Variants in GNL3 observed in about 807,000 individuals in gnomAD.
The protein encoded by GNL3 is G protein nucleolar 3.
In GNL3, 77 loss-of-function variants were observed where a neutral mutation model predicts 70.6. That is an observed-to-expected ratio of 1.09 (90% confidence interval 0.91 to 1.32). GNL3 has a LOEUF of 1.32. Among genes scored for constraint, GNL3 ranks in the 40% most tolerant of loss-of-function variants. The pLI is 0.00. For synonymous variants in GNL3, 252 were observed against 216.1 expected, an observed-to-expected ratio of 1.17 and a Z score of -1.46; for missense variants, 634 against 644.0, an observed-to-expected ratio of 0.98 and a Z score of 0.17.
At chr3:52,688,454 T>C (rs1055672165) in intron 5 of GNL3, among the ~76,000 whole-genome samples, 12 of 152,224 alleles carry the variant, frequency 7.9e-5, no homozygotes, top group African/African-American at 2.7e-4. Flanking sequence ...GCTTATGCTG[T>C]TTAATGCCTT....
At position 52,693,015 on chromosome 3, in the gene GNL3, G is replaced by A. The variant is rs765780798; in HGVS notation, c.1013G>A (p.Ser338Asn). ...GTAGTAAAACCGATGGAGGCTGCCAGTGCCATCCTTTCCCAGGCTGATGCT... is the reference window on the plus strand; with the variant it reads ...GTAGTAAAACCGATGGAGGCTGCCAATGCCATCCTTTCCCAGGCTGATGCT... The part of the protein sequence containing the change: ...IEVVKPMEAA[S>N]AILSQADARQ... Residue 338 changes from serine (S) to asparagine (N), a missense_variant, in exon 10 of 15, where the codon AGT becomes AAT. By Grantham distance (46) the Ser-to-Asn change is conservative. Transcript: ENST00000418458. 1.2e-6 allele frequency: 2 copies of A among 1,614,200 alleles called. No individual in the cohort carries two copies. The highest frequency in any genetic ancestry group is 1.3e-5 in the African/African-American group (1 of 75,060).
rs758017669 is a variant in GNL3, at chr3:52,692,932, C to A, written c.930C>A (p.Ile310=). ...QITIIDSPSF[I]VSPLNSSSAL... Reference sequence around the variant, plus strand: ...CAATCATAGATAGTCCGAGCTTCATCGTATCTCCACTTAATTCCTCCTCTG... The same window carrying A: ...CAATCATAGATAGTCCGAGCTTCATAGTATCTCCACTTAATTCCTCCTCTG... The change falls in exon 10 of 15, where the codon ATC becomes ATA. Residue 310 remains isoleucine (I), a synonymous_variant. Transcript: ENST00000418458. The A allele has an allele frequency of 2.5e-6, 4 of 1,613,022 alleles. No individual in the cohort carries two copies. Among genetic ancestry groups the A allele is most frequent in the Admixed American group, 3.3e-5 (2 of 59,996 alleles).
Position 52,687,798 on chromosome 3 carries a change from A to AT in GNL3, c.324+191dup, listed in dbSNP as rs564295498. ...AGAAGCACACCATCACGCCTGGCTA[A>AT]TTTTTTTTAGCAGACACGGGCTTTC... On this transcript the variant is annotated intron_variant, in intron 4 of 14. Transcript: ENST00000418458. 2,130 of 597,292 alleles carry AT rather than the reference A, an allele frequency of 3.6e-3. 6 individuals carry two copies. Among genetic ancestry groups the AT allele is most frequent in the Non-Finnish European group, 3.1e-3 (1,037 of 332,904 alleles). The allele number at this position is 597,292 out of a possible 1,614,324, so 37.0% of individuals were successfully genotyped here. A position where few individuals can be genotyped will look rare whatever the true frequency, so the allele number is the denominator to read the frequency against.
intron 13 of GNL3, 73 bp downstream of exon 13, chr3:52,693,880 A>C (rs2097329976): frequency 7.1e-7 from 1 of 1,405,778 alleles, no homozygotes; most frequent in Non-Finnish European, 9.9e-7. Context: ...AAGGAACTGA[A>C]GATAGGAAAT....
At chr3:52,686,743 C>G in intron 1 of GNL3, 26 bp from the exon 2 acceptor site, 1 of 1,565,200 alleles carries the variant, frequency 6.4e-7, no homozygotes, top group Non-Finnish European at 8.8e-7. Flanking sequence ...TTTGGGTTAA[C>G]AGATTTGTGA....
intron 5 of GNL3, 127 bp from the exon 6 acceptor site, chr3:52,688,947 T>C: frequency 1.3e-6 from 1 of 745,648 alleles, no homozygotes; most frequent in Non-Finnish European, 2.3e-6. Flanking sequence ...GATCCAACTC[T>C]GAGCTCACCC....
chr3:52,692,817 C>G (rs1185050639), intron 9 of GNL3, 55 bp from the exon 10 acceptor site: 3 of 1,389,144 alleles, frequency 2.2e-6, no homozygotes, highest in Non-Finnish European at 3.0e-6. Flanking sequence ...CATGTTCTGT[C>G]TCTTAACCTC....
In GNL3 at chr3:52,690,957, A is replaced by T. The variant is rs141905702; in HGVS notation, c.667A>T (p.Lys223Ter). Residue 223 changes from lysine (K) to a stop codon, truncating the protein, a stop_gained, in exon 8 of 15, where the codon AAG (lysine) becomes TAG (stop). Transcript: ENST00000418458. LOFTEE classifies it high-confidence loss of function. ...TTTGGAATTTTAGCGTGTGAAGGCA[A>T]AGAAGAATGCTGCTCCATTCAGAAG... ...KGKITKRVKA[K>*]KNAAPFRSEV... The T allele has an allele frequency of 2.2e-5, 35 of 1,613,862 alleles. No homozygotes were observed. The highest frequency in any genetic ancestry group is 2.6e-5 in the Non-Finnish European group (31 of 1,179,838).
intron 4 of GNL3, 69 bp downstream of exon 4, chr3:52,687,684 G>A: frequency 1.1e-6 from 1 of 887,102 alleles, no homozygotes. Context: ...TTGGGCCTGA[G>A]TGCAGTGGCA....
Position 52,693,330 on chromosome 3 carries a change from G to C in GNL3, c.1187+1G>C, listed in dbSNP as rs1455272148. The C allele has an allele frequency of 6.2e-7, 1 of 1,613,740 alleles. No individual in the cohort carries two copies. Among genetic ancestry groups the C allele is most frequent in the South Asian group, 1.1e-5 (1 of 91,044 alleles). ...AACTGCTGTGGTCTGAGTGGACAGG[G>C]TAAGCTTTCTTTTCTGTTGGCATTT... On this transcript the variant is annotated splice_donor_variant, in intron 11 of 14. Transcript: ENST00000418458. LOFTEE classifies it high-confidence loss of function.
intron 7 of GNL3, 41 bp downstream of exon 7, chr3:52,690,745 T>C: frequency 7.6e-7 from 1 of 1,318,158 alleles, no homozygotes; most frequent in Non-Finnish European, 1.1e-6. Context: ...TCTTTCAGAT[T>C]TTGGTTGAAA....
At chr3:52,689,446 C>T (rs561319925) in intron 6 of GNL3, 10 of 562,364 alleles carry the variant, frequency 1.8e-5, no homozygotes, top group South Asian at 1.8e-4. Flanking sequence ...AGAGTGTAAG[C>T]TGCTATACCC....
At chr3:52,686,705 C>CTTGT in intron 1 of GNL3, 64 bp from the exon 2 acceptor site, 1 of 1,218,902 alleles carries the variant, frequency 8.2e-7, no homozygotes, top group Non-Finnish European at 1.2e-6. Flanking sequence ...GGATATAACT[C>CTTGT]CATAGTGCGT....
chr3:52,686,857 A>C (rs1406234494), intron 2 of GNL3, 30 bp downstream of exon 2: 2 of 1,500,308 alleles, frequency 1.3e-6, no homozygotes, highest in Admixed American at 3.4e-5. Flanking sequence ...GAGCTGTACC[A>C]AACACATTGC....
intron 10 of GNL3, 66 bp from the exon 11 acceptor site, chr3:52,693,121 G>C: frequency 6.3e-7 from 1 of 1,598,250 alleles, no homozygotes; most frequent in Admixed American, 1.7e-5. Flanking sequence ...GAAAAATCTT[G>C]GAAGTGTTTT....
chr3:52,689,402 T>C (rs559069147), intron 6 of GNL3, 196 bp downstream of exon 6: 3 of 691,418 alleles, frequency 4.3e-6, no homozygotes, highest in South Asian at 4.3e-5. Context: ...TCTACTATTC[T>C]TTTGCCATTC....
At chr3:52,689,243 T>G in intron 6 of GNL3, 37 bp downstream of exon 6, 1 of 1,577,322 alleles carries the variant, frequency 6.3e-7, no homozygotes, top group Non-Finnish European at 8.7e-7. Flanking sequence ...TCTGTGTACA[T>G]GGGTGAGGTA....
At position 52,689,144 on chromosome 3, in the gene GNL3, A is replaced by G; in HGVS notation, c.479A>G (p.Gln160Arg). ...GATCCTCTTGGTTGCAGATGTCCTC[A>G]GGTAGAAGAGGCCATTGTCCAGAGT... ...ARDPLGCRCP[Q>R]VEEAIVQSGQ... The change falls in exon 6 of 15, where the codon CAG (glutamine) becomes CGG (arginine). Residue 160 changes from glutamine (Q) to arginine (R), a missense_variant. Transcript: ENST00000418458. 6.2e-7 allele frequency: 1 copy of G among 1,610,474 alleles called. No individual in the cohort carries two copies. The highest frequency in any genetic ancestry group is 2.2e-5 in the East Asian group (1 of 44,878).
chr3:52,691,585 A>AC lies in GNL3; in HGVS notation c.826dup (p.Gln276ProfsTer6). 6.2e-7 allele frequency: 1 copy of AC among 1,602,884 alleles called. No individual in the cohort carries two copies. The highest frequency in any genetic ancestry group is 8.5e-7 in the Non-Finnish European group (1 of 1,170,792). ...AAAGCAGCATTATCAATAGCTTAAA[A>AC]CAAGAACAGATGTGTAATGTTGGTG... On this transcript the variant is annotated frameshift_variant, in exon 9 of 15. Coordinates refer to ENST00000418458, the MANE Select transcript of GNL3 (RefSeq NM_014366.5). LOFTEE classifies it high-confidence loss of function.
Sources: gnomAD v4.1 joint callset for allele counts (sites outside exome capture counted in the v4.1 genomes callset) on GRCh38, gnomAD v4.1.1 for gene constraint, MANE v1.5 for transcripts, NCBI Gene and HGNC (gene_info 2026-07-23, HGNC 2026-07-21) for gene names.